The following DDX60L variants were observed in gnomAD, a reference collection of about 807,000 sequenced individuals.
DDX60L encodes the protein probable ATP-dependent RNA helicase DDX60-like.
DDX60L carries 191 observed loss-of-function variants against 211.6 expected under a neutral mutation model. That is an observed-to-expected ratio of 0.90 (90% confidence interval 0.80 to 1.02). The LOEUF (loss-of-function observed/expected upper bound fraction) is 1.02. Ranked by LOEUF, DDX60L falls within the 50% of genes least tolerant of loss-of-function variation. The probability of loss-of-function intolerance (pLI) is 0.00; values close to 1 mark genes in which losing one functional copy is unlikely to be tolerated. For synonymous variants in DDX60L, 706 were observed against 694.1 expected (o/e 1.02, Z -0.27); for missense variants, 2,007 against 1,984.1 (o/e 1.01, Z -0.22).
intron 9 of DDX60L, 50 bp downstream of exon 9, chr4:168,448,588 T>G (rs765101510): frequency 1.4e-6 from 2 of 1,382,104 alleles, no homozygotes; most frequent in Non-Finnish European, 2.0e-6. Context: ...TTTATAAGGG[T>G]TTTATATAAT....
chr4:168,467,183 T>C (rs972554037), intron 4 of DDX60L, among the ~76,000 whole-genome samples: 2 of 152,084 alleles, frequency 1.3e-5, no homozygotes, highest in African/African-American at 4.8e-5. Context: ...CCAAGATAGG[T>C]GGATTGCTTG....
chr4:168,463,341 T>G (rs1757565007), intron 4 of DDX60L, among the ~76,000 whole-genome samples: 1 of 151,926 alleles, frequency 6.6e-6, no homozygotes, highest in Non-Finnish European at 1.5e-5. Flanking sequence ...AAAACAGAAA[T>G]CCAAATACTG....
chr4:168,387,523 A>C (rs898535400), intron 29 of DDX60L, among the ~76,000 whole-genome samples: 2 of 152,216 alleles, frequency 1.3e-5, no homozygotes, highest in Non-Finnish European at 2.9e-5. Flanking sequence ...GCAAAGGCTG[A>C]GTTTCTCCAA....
chr4:168,406,949 C>T (rs560637657), intron 22 of DDX60L, among the ~76,000 whole-genome samples: 2 of 152,204 alleles, frequency 1.3e-5, no homozygotes, highest in East Asian at 1.9e-4. Context: ...AGTACTATTT[C>T]CTGAGACTAT....
At chr4:168,390,206 T>G in intron 29 of DDX60L, 1 of 1,022,444 alleles carries the variant, frequency 9.8e-7, no homozygotes, top group Non-Finnish European at 1.2e-6. Flanking sequence ...AAATAAATGA[T>G]GTTGGATTTC....
Position 168,378,489 on chromosome 4 carries a change from G to C in DDX60L, c.4364-14C>G, listed in dbSNP as rs1448202382. 1 of 1,528,434 alleles carries C rather than the reference G, an allele frequency of 6.5e-7. No homozygotes were observed. The highest frequency in any genetic ancestry group is 8.8e-7 in the Non-Finnish European group (1 of 1,133,366). 94.7% of individuals were successfully genotyped at this position (1,528,434 alleles called of 1,614,324 possible). A position where few individuals can be genotyped will look rare whatever the true frequency, so the allele number is the denominator to read the frequency against. On this transcript the variant is annotated splice_polypyrimidine_tract_variant and intron_variant, in intron 32 of 37. Transcript: ENST00000682922. ...ATTGTTGTGAGCCTATTGAAATAAAGAGCATTATTATAAATAAGAATAATG... is the reference window on the plus strand; with the variant it reads ...ATTGTTGTGAGCCTATTGAAATAAACAGCATTATTATAAATAAGAATAATG...
chr4:168,425,828 G>A (rs1427162334), intron 14 of DDX60L, among the ~76,000 whole-genome samples: 2 of 152,054 alleles, frequency 1.3e-5, no homozygotes, highest in African/African-American at 2.4e-5. Context: ...TCCCTCAGTT[G>A]GCTCTTCCAC....
At chr4:168,387,859 G>T (rs1047061332) in intron 29 of DDX60L, among the ~76,000 whole-genome samples, 28 of 152,282 alleles carry the variant, frequency 1.8e-4, no homozygotes, top group African/African-American at 6.7e-4. Context: ...TCCTCACATG[G>T]GCTGTGGGGT....
intron 36 of DDX60L, among the ~76,000 whole-genome samples, chr4:168,370,676 C>T (rs1740843376): frequency 6.6e-6 from 1 of 152,094 alleles, no homozygotes; most frequent in African/African-American, 2.4e-5. Flanking sequence ...GTATGTTTCA[C>T]AATATCAAAC....
At chr4:168,383,888 G>A (rs57612439) in intron 30 of DDX60L, among the ~76,000 whole-genome samples, 15,094 of 152,194 alleles carry the variant, frequency 0.099, 1,094 homozygotes, top group Admixed American at 0.14. Context: ...GTCTTTGAGC[G>A]TGTTGCCAAA....
At chr4:168,471,058 T>C (rs984407680) in intron 4 of DDX60L, among the ~76,000 whole-genome samples, 1 of 152,166 alleles carries the variant, frequency 6.6e-6, no homozygotes, top group Non-Finnish European at 1.5e-5. Flanking sequence ...TTAAATGGCA[T>C]TAGGTTGGAG....
Position 168,420,362 on chromosome 4 carries a change from C to G in DDX60L, c.2413G>C (p.Ala805Pro). ...APAKSLVGQV[A>P]ATVENRFTKT... ...GTAAAACGATTCTCAACAGTTGCAG[C>G]CACTTGACCAACAAGGGACTGATTG... Residue 805 changes from alanine (A) to proline (P), a missense_variant, in exon 18 of 38, where the codon GCT becomes CCT. Physicochemically the swap from Ala to Pro is conservative, Grantham distance 27. Coordinates refer to ENST00000682922, the MANE Select transcript of DDX60L (RefSeq NM_001012967.3). 6.2e-7 allele frequency: 1 copy of G among 1,609,246 alleles called. No individual in the cohort carries two copies. The highest frequency in any genetic ancestry group is 8.5e-7 in the Non-Finnish European group (1 of 1,178,572).
At chr4:168,453,408 G>T in intron 7 of DDX60L, 126 bp from the exon 8 acceptor site, 2 of 991,222 alleles carry the variant, frequency 2.0e-6, no homozygotes, top group Non-Finnish European at 2.9e-6. Flanking sequence ...GTCCCCTTCT[G>T]CATACACAAA....
intron 10 of DDX60L, among the ~76,000 whole-genome samples, chr4:168,434,171 C>T (rs1430396419): frequency 6.6e-6 from 1 of 151,684 alleles, no homozygotes; most frequent in African/African-American, 2.4e-5. Flanking sequence ...ATGTGTATAT[C>T]GTATATGAGA....
intron 32 of DDX60L, among the ~76,000 whole-genome samples, chr4:168,379,062 T>C (rs1240115581): frequency 1.3e-5 from 2 of 152,198 alleles, no homozygotes; most frequent in Admixed American, 1.3e-4. Context: ...CTCTGAAGCA[T>C]ACTAAAATCA....
chr4:168,401,831 CAA>C (rs1746868474), intron 25 of DDX60L, among the ~76,000 whole-genome samples: 1 of 152,100 alleles, frequency 6.6e-6, no homozygotes, highest in African/African-American at 2.4e-5. Flanking sequence ...ACTGAAGAAA[CAA>C]AGACTAGGAA....
chr4:168,428,374 A>C (rs1201952738), intron 13 of DDX60L, among the ~76,000 whole-genome samples: 2 of 152,174 alleles, frequency 1.3e-5, no homozygotes, highest in Non-Finnish European at 2.9e-5. Context: ...ATATCCTGTC[A>C]CTGATTGTAG....
chr4:168,411,663 G>A lies in DDX60L; in HGVS notation c.2979+3745C>T, dbSNP rs544949536. On this transcript the variant is annotated intron_variant, in intron 22 of 37. Transcript: ENST00000682922. Reference sequence around the variant, plus strand: ...CTAAATAAACTTGAAAAGCAGCCTAGGCCACAAGGACTACAATTCCTGGGC... The same window carrying A: ...CTAAATAAACTTGAAAAGCAGCCTAAGCCACAAGGACTACAATTCCTGGGC... Among the ~76,000 whole-genome samples, 287 of 152,190 alleles carry A rather than the reference G, an allele frequency of 1.9e-3. 4 individuals carry two copies. The highest frequency in any genetic ancestry group is 6.4e-3 in the African/African-American group (265 of 41,542).
At chr4:168,361,626 T>C (rs947544803) in intron 36 of DDX60L, among the ~76,000 whole-genome samples, 1 of 152,210 alleles carries the variant, frequency 6.6e-6, no homozygotes, top group Non-Finnish European at 1.5e-5. Context: ...TTGTCAAGAA[T>C]AGGAGAACAT....
Sources: gnomAD v4.1 joint callset for allele counts (sites outside exome capture counted in the v4.1 genomes callset) on GRCh38, gnomAD v4.1.1 for gene constraint, MANE v1.5 for transcripts, NCBI Gene and HGNC (gene_info 2026-07-23, HGNC 2026-07-21) for gene names.